WWOX: variants seen among roughly 807,000 people sequenced by gnomAD.
WWOX encodes WW domain containing oxidoreductase.
A neutral mutation model predicts 46.2 loss-of-function variants in WWOX; 69 were observed. The observed-to-expected ratio is 1.49, with a 90% CI of 1.23 to 1.82. WWOX has a LOEUF of 1.82. WWOX is among the 40% of genes most tolerant of loss of function. The pLI is 0.00. For synonymous variants in WWOX, 359 were observed against 202.6 expected, an observed-to-expected ratio of 1.77 and a Z score of -6.56; for missense variants, 919 against 542.6, an observed-to-expected ratio of 1.69 and a Z score of -6.89.
chr16:78,359,421 G>C (rs1308438307), intron 5 of WWOX, among the ~76,000 whole-genome samples: 1 of 152,038 alleles, frequency 6.6e-6, no homozygotes, highest in Non-Finnish European at 1.5e-5. Context: ...CTAATCATGA[G>C]AGCCCCCAAA....
At chr16:78,147,185 A>G (rs2034227921) in intron 4 of WWOX, among the ~76,000 whole-genome samples, 1 of 152,250 alleles carries the variant, frequency 6.6e-6, no homozygotes, top group Non-Finnish European at 1.5e-5. Flanking sequence ...ACTTTTAAAA[A>G]AGCAACTACA....
intron 8 of WWOX, among the ~76,000 whole-genome samples, chr16:78,982,004 C>T (rs145425621): frequency 6.6e-6 from 1 of 152,170 alleles, no homozygotes; most frequent in Non-Finnish European, 1.5e-5. Flanking sequence ...GGCAGAATCT[C>T]AGTTTCAACA....
intron 7 of WWOX, among the ~76,000 whole-genome samples, chr16:78,431,428 T>C (rs1370434106): frequency 3.9e-5 from 6 of 152,280 alleles, no homozygotes; most frequent in African/African-American, 9.6e-5. Context: ...TCTTGGATGC[T>C]CAAATGAAAA....
intron 8 of WWOX, among the ~76,000 whole-genome samples, chr16:78,673,698 C>G (rs1204646566): frequency 1.3e-5 from 2 of 152,182 alleles, no homozygotes; most frequent in South Asian, 2.1e-4. Flanking sequence ...CCAAACAAGT[C>G]AAGAGACTCA....
At chr16:79,167,892 C>G (rs2050625712) in intron 8 of WWOX, among the ~76,000 whole-genome samples, 1 of 152,168 alleles carries the variant, frequency 6.6e-6, no homozygotes, top group Non-Finnish European at 1.5e-5. Context: ...AAAGTCATCA[C>G]TGCCCCATTC....
chr16:78,650,110 G>T (rs1406630396), intron 8 of WWOX, among the ~76,000 whole-genome samples: 1 of 152,142 alleles, frequency 6.6e-6, no homozygotes, highest in Non-Finnish European at 1.5e-5. Context: ...AGAGGAAGGA[G>T]GGAAGAAAAG....
chr16:79,188,257 T>C (rs2051059445), intron 8 of WWOX, among the ~76,000 whole-genome samples: 1 of 152,206 alleles, frequency 6.6e-6, no homozygotes, highest in Non-Finnish European at 1.5e-5. Context: ...TTTTGCCCTC[T>C]GTACCCAAAA....
intron 8 of WWOX, among the ~76,000 whole-genome samples, chr16:78,925,838 C>A (rs995114562): frequency 6.6e-6 from 1 of 152,172 alleles, no homozygotes; most frequent in African/African-American, 2.4e-5. Flanking sequence ...AGCCCTAGTT[C>A]TAGCCTACCA....
At position 79,142,065 on chromosome 16, in the gene WWOX, T is replaced by G. The variant is rs941899668; in HGVS notation, c.1057-69543T>G. ...GAGGTATATATCTTACCTTCTCTTT[T>G]TCTCCTTCTTCTCCATCTCCTGCCC... is the stretch of plus-strand genomic sequence containing the variant. On this transcript the variant is annotated intron_variant, in intron 8 of 8. Transcript: ENST00000566780. 1.9e-4 allele frequency among the ~76,000 whole-genome samples: 29 copies of G among 152,194 alleles called. 1 individual carries two copies. Among genetic ancestry groups the G allele is most frequent in the Admixed American group, 1.1e-3 (17 of 15,276 alleles).
intron 8 of WWOX, chr16:78,825,973 G>T (rs7198624): frequency 5.3e-6 from 4 of 753,358 alleles, no homozygotes; most frequent in African/African-American, 5.2e-5. Flanking sequence ...AGCCAGAGCC[G>T]CCTGCTATGC....
chr16:78,161,329 T>G (rs1040628596), intron 4 of WWOX, among the ~76,000 whole-genome samples: 1 of 152,204 alleles, frequency 6.6e-6, no homozygotes, highest in Non-Finnish European at 1.5e-5. Flanking sequence ...ACCACCTTAT[T>G]ATTGGCTTCC....
intron 8 of WWOX, among the ~76,000 whole-genome samples, chr16:78,879,690 C>A (rs923467111): frequency 4.6e-5 from 7 of 152,036 alleles, no homozygotes; most frequent in Non-Finnish European, 8.8e-5. Context: ...CCAGTCTGAT[C>A]AACATGGAGA....
chr16:78,758,937 C>A (rs1040390938), intron 8 of WWOX, among the ~76,000 whole-genome samples: 970 of 89,254 alleles, frequency 0.011, 4 homozygotes, highest in African/African-American at 0.025. Context: ...CCACAAAAGA[C>A]AAAAAAAAAA....
chr16:79,102,479 C>T (rs1413396798), intron 8 of WWOX, among the ~76,000 whole-genome samples: 1 of 152,194 alleles, frequency 6.6e-6, no homozygotes, highest in African/African-American at 2.4e-5. Flanking sequence ...AGAATGCCTG[C>T]TGTCTGTCGC....
intron 8 of WWOX, among the ~76,000 whole-genome samples, chr16:78,603,896 C>G (rs2045683162): frequency 6.6e-6 from 1 of 151,970 alleles, no homozygotes; most frequent in African/African-American, 2.4e-5. Context: ...AATCCCAGCA[C>G]TTCAGGAGGC....
chr16:78,798,212 C>G (rs532137470), intron 8 of WWOX, among the ~76,000 whole-genome samples: 2 of 152,100 alleles, frequency 1.3e-5, no homozygotes, highest in South Asian at 2.1e-4. Context: ...GAAAGGATAG[C>G]CTTGTTATTT....
intron 8 of WWOX, among the ~76,000 whole-genome samples, chr16:79,089,591 A>T (rs1478046301): frequency 6.6e-6 from 1 of 152,154 alleles, no homozygotes. Flanking sequence ...CAAAGTCCCA[A>T]CGTGCTGGGA....
chr16:78,202,125 AG>A (rs2036250254), intron 5 of WWOX, among the ~76,000 whole-genome samples: 2 of 152,288 alleles, frequency 1.3e-5, no homozygotes, highest in South Asian at 4.2e-4. Context: ...CTGCTAAATA[AG>A]GGAACAATTT....
intron 8 of WWOX, among the ~76,000 whole-genome samples, chr16:78,924,341 A>T (rs1442156955): frequency 6.6e-6 from 1 of 152,186 alleles, no homozygotes; most frequent in African/African-American, 2.4e-5. Context: ...CTTTGTTTGA[A>T]AAATGGAGCT....
Sources: gnomAD v4.1 joint callset for allele counts (sites outside exome capture counted in the v4.1 genomes callset) on GRCh38, gnomAD v4.1.1 for gene constraint, MANE v1.5 for transcripts, NCBI Gene and HGNC (gene_info 2026-07-23, HGNC 2026-07-21) for gene names.